The following CNBD1 variants were observed in gnomAD, a reference collection of about 807,000 sequenced individuals.
The protein encoded by CNBD1 is cyclic nucleotide binding domain containing 1.
A neutral mutation model predicts 54.4 loss-of-function variants in CNBD1; 71 were observed. The ratio of observed to expected loss-of-function variants is 1.30; its 90% CI spans 1.08 to 1.59. CNBD1 has a LOEUF of 1.59. CNBD1 is among the 40% of genes most tolerant of loss of function. The pLI, the probability that CNBD1 is intolerant of heterozygous loss-of-function variation, is 0.00. For synonymous variants in CNBD1, 182 were observed against 170.7 expected, an observed-to-expected ratio of 1.07 and a Z score of -0.51; for missense variants, 659 against 518.0, an observed-to-expected ratio of 1.27 and a Z score of -2.64.
At chr8:87,359,029 A>G (rs1810479611) in intron 10 of CNBD1, among the ~76,000 whole-genome samples, 2 of 152,304 alleles carry the variant, frequency 1.3e-5, no homozygotes, top group Admixed American at 6.5e-5. Flanking sequence ...AAACACCCTC[A>G]AAGACACATC....
intron 4 of CNBD1, among the ~76,000 whole-genome samples, chr8:86,979,856 T>A (rs1008536681): frequency 2.6e-5 from 4 of 152,180 alleles, no homozygotes; most frequent in Admixed American, 6.6e-5. Flanking sequence ...GAAGAAATGA[T>A]GATATAAGAG....
At chr8:87,042,189 G>T (rs1325025835) in intron 4 of CNBD1, among the ~76,000 whole-genome samples, 1 of 152,196 alleles carries the variant, frequency 6.6e-6, no homozygotes, top group East Asian at 1.9e-4. Flanking sequence ...TTTGGTGTCA[G>T]ATAAATCAAT....
At chr8:87,046,188 C>A (rs1691753201) in intron 4 of CNBD1, among the ~76,000 whole-genome samples, 1 of 151,938 alleles carries the variant, frequency 6.6e-6, no homozygotes, top group African/African-American at 2.4e-5. Context: ...CTACTGATGT[C>A]TTCCACCCTT....
chr8:87,228,465 G>A (rs1297037477), intron 5 of CNBD1, among the ~76,000 whole-genome samples: 1 of 148,830 alleles, frequency 6.7e-6, no homozygotes, highest in African/African-American at 2.6e-5. Flanking sequence ...TAACACACAG[G>A]ACCCTCAGCT....
At chr8:87,372,023 A>G (rs1810818182) in intron 10 of CNBD1, among the ~76,000 whole-genome samples, 1 of 151,986 alleles carries the variant, frequency 6.6e-6, no homozygotes, top group Non-Finnish European at 1.5e-5. Context: ...AAGGGTATTC[A>G]ATTAGGAAAA....
chr8:87,335,796 G>A (rs1238208943), intron 8 of CNBD1, among the ~76,000 whole-genome samples: 2 of 152,150 alleles, frequency 1.3e-5, no homozygotes, highest in African/African-American at 4.8e-5. Flanking sequence ...TTTCTTCATA[G>A]TGTCACTGGT....
At chr8:86,877,905 G>A (rs1808547652) in intron 1 of CNBD1, among the ~76,000 whole-genome samples, 1 of 151,900 alleles carries the variant, frequency 6.6e-6, no homozygotes, top group East Asian at 1.9e-4. Context: ...GTTAGCCTCT[G>A]TGTCTATGGC....
intron 3 of CNBD1, among the ~76,000 whole-genome samples, chr8:86,912,890 C>T (rs943595232): frequency 9.9e-5 from 15 of 151,544 alleles, no homozygotes; most frequent in African/African-American, 3.4e-4. Context: ...CTGTATAGGC[C>T]TAGGCTAATG....
chr8:86,912,305 C>A (rs1272820794), intron 3 of CNBD1, among the ~76,000 whole-genome samples: 2 of 151,974 alleles, frequency 1.3e-5, no homozygotes, highest in African/African-American at 4.8e-5. Context: ...AGGGTGCAGA[C>A]CAAAAATAAT....
chr8:87,402,807 A>T (rs1807588803), intron 2 of CNBD1, among the ~76,000 whole-genome samples: 3 of 152,098 alleles, frequency 2.0e-5, no homozygotes, highest in African/African-American at 7.2e-5. Context: ...ACAAAATGTG[A>T]AAATGAGAGC....
intron 10 of CNBD1, among the ~76,000 whole-genome samples, chr8:87,361,631 T>C (rs1443605835): frequency 6.6e-6 from 1 of 151,384 alleles, no homozygotes; most frequent in Non-Finnish European, 1.5e-5. Context: ...AGATTTTGCA[T>C]ATACTTTGCC....
Position 87,089,740 on chromosome 8 carries a change from T to C in CNBD1, c.432-116253T>C, listed in dbSNP as rs1360723668. 3.3e-5 allele frequency among the ~76,000 whole-genome samples: 5 copies of C among 152,236 alleles called. No homozygotes were observed. The South Asian group carries it at 6.2e-4, about 19-fold the overall frequency. On this transcript the variant is annotated intron_variant, in intron 4 of 10. Transcript: ENST00000518476. ...AGAAAATGGCTTTGGAATTATACTT[T>C]ACTTTTTTTTCTCAAAGAATTTAAC... is the stretch of plus-strand genomic sequence containing the variant.
At chr8:87,315,991 G>C (rs1284867476) in intron 8 of CNBD1, among the ~76,000 whole-genome samples, 1 of 151,740 alleles carries the variant, frequency 6.6e-6, no homozygotes, top group Non-Finnish European at 1.5e-5. Context: ...CAATTATTGT[G>C]TATTAATAAA....
intron 1 of CNBD1, among the ~76,000 whole-genome samples, chr8:86,867,627 A>G (rs1808383867): frequency 6.6e-6 from 1 of 152,208 alleles, no homozygotes; most frequent in Non-Finnish European, 1.5e-5. Context: ...GCATCTGGTC[A>G]AAGTTTTCTA....
At chr8:87,094,931 T>C (rs1264911363) in intron 4 of CNBD1, among the ~76,000 whole-genome samples, 2 of 152,088 alleles carry the variant, frequency 1.3e-5, no homozygotes, top group Non-Finnish European at 2.9e-5. Flanking sequence ...CCCAGCTATT[T>C]TGGAGGCTGA....
intron 4 of CNBD1, among the ~76,000 whole-genome samples, chr8:86,967,475 C>T (rs1026025938): frequency 3.9e-5 from 6 of 152,248 alleles, no homozygotes; most frequent in South Asian, 2.1e-4. Context: ...CCACTGGCTT[C>T]ATGGAGTGTG....
chr8:87,269,127 C>A (rs999924171), intron 6 of CNBD1, among the ~76,000 whole-genome samples: 4 of 151,898 alleles, frequency 2.6e-5, no homozygotes, highest in African/African-American at 9.7e-5. Flanking sequence ...GTCCAGTTTC[C>A]ATTTTCTTCA....
chr8:86,980,540 G>T (rs1424001156), intron 4 of CNBD1, among the ~76,000 whole-genome samples: 1 of 152,164 alleles, frequency 6.6e-6, no homozygotes, highest in East Asian at 1.9e-4. Context: ...GTTTATTTTA[G>T]AGATAAAGTT....
At chr8:87,228,949 GT>G (rs1563515790) in intron 5 of CNBD1, among the ~76,000 whole-genome samples, 1 of 152,184 alleles carries the variant, frequency 6.6e-6, no homozygotes, top group East Asian at 1.9e-4. Flanking sequence ...ATGGTGCGCC[GT>G]TTTTTAAGCC....
Sources: gnomAD v4.1 joint callset for allele counts (sites outside exome capture counted in the v4.1 genomes callset) on GRCh38, gnomAD v4.1.1 for gene constraint, MANE v1.5 for transcripts, NCBI Gene and HGNC (gene_info 2026-07-23, HGNC 2026-07-21) for gene names.